Variants in PIK3C2G observed in about 807,000 individuals in gnomAD.
The protein encoded by PIK3C2G is phosphatidylinositol 3-kinase C2 domain-containing subunit gamma.
A neutral mutation model predicts 181.1 loss-of-function variants in PIK3C2G; 168 were observed. The ratio of observed to expected loss-of-function variants is 0.93; its 90% CI spans 0.82 to 1.05. The LOEUF is 1.05. Ranked by LOEUF, PIK3C2G falls within the 50% of genes least tolerant of loss-of-function variation. The probability of loss-of-function intolerance (pLI) is 0.00; values close to 1 mark genes in which losing one functional copy is unlikely to be tolerated. For synonymous variants in PIK3C2G, 573 were observed against 592.2 expected (o/e 0.97, Z 0.47); for missense variants, 1,869 against 1,732.8 (o/e 1.08, Z -1.40).
At chr12:18,539,000 G>A (rs905370459) in intron 25 of PIK3C2G, among the ~76,000 whole-genome samples, 5 of 151,874 alleles carry the variant, frequency 3.3e-5, no homozygotes, top group African/African-American at 7.3e-5. Context: ...AGGCACATAC[G>A]TACACACTAG....
At chr12:18,300,475 C>G (rs536962428) in intron 5 of PIK3C2G, among the ~76,000 whole-genome samples, 2 of 151,950 alleles carry the variant, frequency 1.3e-5, no homozygotes, top group South Asian at 4.1e-4. Context: ...TGCAGAATAT[C>G]TTTACATCCC....
At chr12:18,609,831 A>T (rs577876148) in intron 31 of PIK3C2G, among the ~76,000 whole-genome samples, 2 of 152,200 alleles carry the variant, frequency 1.3e-5, no homozygotes, top group East Asian at 1.9e-4. Context: ...CTTCACAAGG[A>T]AAGTCCTAGA....
intron 29 of PIK3C2G, among the ~76,000 whole-genome samples, chr12:18,578,048 A>G (rs1467794302): frequency 6.6e-6 from 1 of 152,174 alleles, no homozygotes; most frequent in African/African-American, 2.4e-5. Context: ...GGAAGGTTTT[A>G]AAGGGATTGT....
chr12:18,620,954 T>C lies in PIK3C2G; in HGVS notation c.4182+11325T>C, dbSNP rs143599723. On this transcript the variant is annotated intron_variant, in intron 31 of 32. Coordinates refer to ENST00000538779, the MANE Select transcript of PIK3C2G (RefSeq NM_001288772.2). ...GATAAAGATAAGTATCTAAGGTATA[T>C]AGGTAGAAAATGCTTATATTTTACC... is the stretch of plus-strand genomic sequence containing the variant. Among the ~76,000 whole-genome samples the C allele has an allele frequency of 6.9e-3, 1,045 of 152,212 alleles. 7 individuals carry two copies. The highest frequency in any genetic ancestry group is 9.1e-3 in the African/African-American group (379 of 41,564).
At chr12:18,584,791 G>A (rs1301538590) in intron 29 of PIK3C2G, among the ~76,000 whole-genome samples, 1 of 152,040 alleles carries the variant, frequency 6.6e-6, no homozygotes, top group Non-Finnish European at 1.5e-5. Context: ...AGGAGCTAGA[G>A]AGAAAGGGAA....
chr12:18,595,855 G>C (rs930861285), intron 30 of PIK3C2G, among the ~76,000 whole-genome samples: 3 of 152,084 alleles, frequency 2.0e-5, no homozygotes, highest in Non-Finnish European at 4.4e-5. Flanking sequence ...TTGCCCTTTG[G>C]ATAAACATCA....
the PIK3C2G span, among the ~76,000 whole-genome samples, chr12:18,697,392 C>T: frequency 6.6e-6 from 1 of 152,114 alleles, no homozygotes; most frequent in African/African-American, 2.4e-5. Context: ...AAGTATCATG[C>T]TCCCTTATCT....
intron 1 of PIK3C2G, among the ~76,000 whole-genome samples, chr12:18,251,495 T>C (rs1002833536): frequency 6.6e-6 from 1 of 152,036 alleles, no homozygotes; most frequent in African/African-American, 2.4e-5. Context: ...AAATTCATCA[T>C]GTGCAATGTA....
intron 16 of PIK3C2G, among the ~76,000 whole-genome samples, chr12:18,407,813 T>TA (rs1944624660): frequency 6.6e-6 from 1 of 152,084 alleles, no homozygotes; most frequent in African/African-American, 2.4e-5. Flanking sequence ...AGAAAGAACT[T>TA]AAATATGACT....
At chr12:18,492,277 G>A (rs182178428) in intron 20 of PIK3C2G, among the ~76,000 whole-genome samples, 72 of 152,262 alleles carry the variant, frequency 4.7e-4, no homozygotes, top group African/African-American at 1.7e-3. Context: ...AAGCTATCAT[G>A]CACGGACAAT....
At chr12:18,388,252 A>G (rs1565665484) in intron 14 of PIK3C2G, among the ~76,000 whole-genome samples, 1 of 152,060 alleles carries the variant, frequency 6.6e-6, no homozygotes, top group South Asian at 2.1e-4. Flanking sequence ...ATGGTCTAAC[A>G]TACGTATGTC....
intron 5 of PIK3C2G, among the ~76,000 whole-genome samples, chr12:18,303,126 C>CT (rs1008687429): frequency 9.1e-6 from 1 of 109,384 alleles, no homozygotes; most frequent in African/African-American, 3.3e-5. Context: ...TTCTTTCTTT[C>CT]TTTCTTTCTT....
At chr12:18,253,452 G>A (rs1344017404) in intron 1 of PIK3C2G, among the ~76,000 whole-genome samples, 1 of 152,122 alleles carries the variant, frequency 6.6e-6, no homozygotes, top group Non-Finnish European at 1.5e-5. Flanking sequence ...ATTATAGTGG[G>A]AGAGTAAAAC....
At chr12:18,719,560 T>G in the PIK3C2G span, 3 of 1,604,662 alleles carry the variant, frequency 1.9e-6, no homozygotes, top group Non-Finnish European at 2.6e-6. Flanking sequence ...ACATTCATTT[T>G]TAAACAGTAG....
chr12:18,284,039 A>G (rs751476884), intron 2 of PIK3C2G, among the ~76,000 whole-genome samples: 6 of 152,048 alleles, frequency 3.9e-5, no homozygotes, highest in Non-Finnish European at 8.8e-5. Context: ...TGATTTGACA[A>G]GCAGAGTGCT....
At chr12:18,439,536 C>A (rs147335009) in intron 18 of PIK3C2G, among the ~76,000 whole-genome samples, 5 of 152,034 alleles carry the variant, frequency 3.3e-5, no homozygotes, top group African/African-American at 1.2e-4. Flanking sequence ...TTCATCAGAC[C>A]ACTCCATAAT....
At chr12:18,666,861 T>C in the PIK3C2G span, among the ~76,000 whole-genome samples, 1 of 152,182 alleles carries the variant, frequency 6.6e-6, no homozygotes, top group Admixed American at 6.6e-5. Context: ...CCATTTCTTA[T>C]TTTTGCAATT....
chr12:18,477,316 T>C (rs973745131), intron 18 of PIK3C2G, among the ~76,000 whole-genome samples: 2 of 152,152 alleles, frequency 1.3e-5, no homozygotes, highest in Non-Finnish European at 2.9e-5. Context: ...ATGATTATCA[T>C]CATTTTACAA....
chr12:18,362,727 G>C, intron 11 of PIK3C2G, 37 bp from the exon 12 acceptor site: 3 of 1,463,684 alleles, frequency 2.0e-6, no homozygotes, highest in East Asian at 2.5e-5. Context: ...TTTCTTTAAA[G>C]TGCTAAGCAT....
Sources: allele counts gnomAD v4.1 joint callset (sites outside exome capture counted in the v4.1 genomes callset), GRCh38; gene constraint gnomAD v4.1.1; transcripts MANE v1.5; gene names NCBI Gene and HGNC (gene_info 2026-07-23, HGNC 2026-07-21).